Variants in GLYATL1B observed in about 807,000 individuals in gnomAD.
The protein encoded by GLYATL1B is glycine-N-acyltransferase like 1B.
A neutral mutation model predicts 5.5 loss-of-function variants in GLYATL1B; 6 were observed. That is an observed-to-expected ratio of 1.09 (90% CI 0.60 to 2.15). The LOEUF is 2.15. Ranked by LOEUF, GLYATL1B falls within the 30% of genes most tolerant of loss-of-function variation. The pLI, the probability that GLYATL1B is intolerant of heterozygous loss-of-function variation, is 0.00. For missense variants in GLYATL1B, 135 were observed against 94.1 expected (o/e 1.43, Z -1.80); for synonymous variants, 67 against 34.9 (o/e 1.92, Z -3.24).
intron 4 of GLYATL1B, 48 bp downstream of exon 4, chr11:59,094,159 T>C: frequency 1.9e-6 from 1 of 537,254 alleles, no homozygotes; most frequent in Non-Finnish European, 3.4e-6. Context: ...TCCTTGTACA[T>C]TTTTGTAATT....
intron 2 of GLYATL1B, among the ~76,000 whole-genome samples, chr11:59,092,916 G>A (rs1336331457): frequency 1.3e-5 from 2 of 152,206 alleles, no homozygotes; most frequent in African/African-American, 4.8e-5. Flanking sequence ...GGACACTGCA[G>A]ATTCTAGAAC....
At chr11:59,088,420 G>T (rs1269612548) in intron 2 of GLYATL1B, among the ~76,000 whole-genome samples, 1 of 152,124 alleles carries the variant, frequency 6.6e-6, no homozygotes, top group African/African-American at 2.4e-5. Flanking sequence ...CTTCAGGTGG[G>T]TATAGACACT....
intron 2 of GLYATL1B, among the ~76,000 whole-genome samples, chr11:59,090,235 A>G (rs1004142217): frequency 2.0e-4 from 31 of 151,932 alleles, no homozygotes; most frequent in African/African-American, 7.2e-4. Flanking sequence ...CCCTTCACTA[A>G]TCTTTTTCTT....
At chr11:59,093,840 G>C (rs1440837654) in intron 3 of GLYATL1B, 94 bp from the exon 4 acceptor site, 2 of 488,940 alleles carry the variant, frequency 4.1e-6, no homozygotes, top group Non-Finnish European at 7.4e-6. Context: ...ACTCAACTTT[G>C]AGAACTACTA....
At position 59,094,610 on chromosome 11, in the gene GLYATL1B, A is replaced by T; in HGVS notation, c.733A>T (p.Thr245Ser). The T allele has an allele frequency of 6.5e-6, 3 of 461,280 alleles. No homozygotes were observed. The highest frequency in any genetic ancestry group is 7.8e-6 in the Non-Finnish European group (2 of 255,486). 28.6% of individuals were successfully genotyped at this position (461,280 alleles called of 1,614,324 possible). Reference sequence around the variant, plus strand: ...AAAATACCGAAGGAGAGGCAATGGGACACGGCTGATCATGCGATGCATGAA... The same window carrying T: ...AAAATACCGAAGGAGAGGCAATGGGTCACGGCTGATCATGCGATGCATGAA... ...VEKYRRRGNG[T>S]RLIMRCMKYL... is the part of the protein sequence containing the mutation. Residue 245 changes from threonine to serine, a missense_variant, in exon 5 of 5, where the codon ACA becomes TCA. By Grantham distance (58) the Thr-to-Ser change is moderately conservative. Transcript: ENST00000527482.
At chr11:59,089,420 C>T (rs1859262058) in intron 2 of GLYATL1B, among the ~76,000 whole-genome samples, 1 of 152,148 alleles carries the variant, frequency 6.6e-6, no homozygotes, top group African/African-American at 2.4e-5. Flanking sequence ...GTAGGCACTG[C>T]CAGACTACCC....
chr11:59,089,481 G>T (rs561788136), intron 2 of GLYATL1B, among the ~76,000 whole-genome samples: 1 of 152,126 alleles, frequency 6.6e-6, no homozygotes, highest in Non-Finnish European at 1.5e-5. Flanking sequence ...TGGAAGAATT[G>T]TTTCCCACAT....
chr11:59,093,197 T>C (rs950240440), intron 2 of GLYATL1B, among the ~76,000 whole-genome samples: 7 of 152,160 alleles, frequency 4.6e-5, no homozygotes, highest in Non-Finnish European at 7.3e-5. Flanking sequence ...TAAAATAAGG[T>C]AAGTGTGCAG....
At chr11:59,090,035 T>C (rs555620752) in intron 2 of GLYATL1B, among the ~76,000 whole-genome samples, 17 of 152,186 alleles carry the variant, frequency 1.1e-4, no homozygotes, top group South Asian at 8.3e-4. Flanking sequence ...TTTATATTTA[T>C]CCCCCGAATG....
At chr11:59,089,497 T>C (rs775466371) in intron 2 of GLYATL1B, among the ~76,000 whole-genome samples, 4 of 152,192 alleles carry the variant, frequency 2.6e-5, no homozygotes, top group African/African-American at 4.8e-5. Context: ...CACATTCTCA[T>C]CAGCAGTGAA....
Position 59,094,746 on chromosome 11 carries a change from A to AC in GLYATL1B, c.871dup (p.Gln291ProfsTer?), listed in dbSNP as rs1565178915. The AC allele has an allele frequency of 2.1e-6, 1 of 468,024 alleles. No homozygotes were observed. Among genetic ancestry groups the AC allele is most frequent in the Non-Finnish European group, 3.9e-6 (1 of 256,752 alleles). 29.0% of individuals were successfully genotyped at this position (468,024 alleles called of 1,614,324 possible). A position where few individuals can be genotyped will look rare whatever the true frequency, so the allele number is the denominator to read the frequency against. On this transcript the variant is annotated frameshift_variant, in exon 5 of 5. Coordinates refer to ENST00000527482, the MANE Select transcript of GLYATL1B (RefSeq NM_001355566.1). LOFTEE classifies it high-confidence loss of function. ...TTCCTTGAGGCCTCCTGTCAGTGGC[A>AC]CCAATGGAACTGCTACCCACAGAAT...
At chr11:59,090,292 AT>A (rs1393090021) in intron 2 of GLYATL1B, among the ~76,000 whole-genome samples, 1 of 151,928 alleles carries the variant, frequency 6.6e-6, no homozygotes, top group Admixed American at 6.6e-5. Flanking sequence ...ACAAAAACTA[AT>A]TTTTCAGTTC....
chr11:59,091,949 C>A (rs1859321404), intron 2 of GLYATL1B, among the ~76,000 whole-genome samples: 1 of 152,126 alleles, frequency 6.6e-6, no homozygotes, highest in African/African-American at 2.4e-5. Flanking sequence ...TTCTTGTCCA[C>A]TTTTCAAATG....
intron 2 of GLYATL1B, among the ~76,000 whole-genome samples, 182 bp from the exon 3 acceptor site, chr11:59,093,347 C>A (rs11229797): frequency 2.6e-3 from 393 of 152,284 alleles, no homozygotes; most frequent in African/African-American, 9.0e-3. Flanking sequence ...ACTCCAGTTA[C>A]ACAGGTAAGA....
intron 2 of GLYATL1B, among the ~76,000 whole-genome samples, chr11:59,091,148 T>C (rs1859299629): frequency 6.6e-6 from 1 of 152,178 alleles, no homozygotes; most frequent in African/African-American, 2.4e-5. Context: ...CTACTGAATA[T>C]TTTATTCAGA....
intron 2 of GLYATL1B, among the ~76,000 whole-genome samples, chr11:59,091,762 G>T (rs1345192674): frequency 6.6e-6 from 1 of 152,088 alleles, no homozygotes; most frequent in Non-Finnish European, 1.5e-5. Context: ...ACATGCACTA[G>T]GATGTTCATT....
chr11:59,089,357 T>C (rs1449272651), intron 2 of GLYATL1B, among the ~76,000 whole-genome samples: 1 of 152,194 alleles, frequency 6.6e-6, no homozygotes, highest in Non-Finnish European at 1.5e-5. Context: ...CTTTTCTCAA[T>C]GCAATTGGTT....
At position 59,093,637 on chromosome 11, in the gene GLYATL1B, C is replaced by G. The variant is rs914633734; in HGVS notation, c.295C>G (p.Gln99Glu). ...LKNSEIINWK[Q>E]KLQIQGFQES... The stretch of plus-strand genomic sequence containing the variant: ...AAATTCTGAGATCATAAACTGGAAA[C>G]AGAAACTCCAAATCCAAGGTAACAA... Residue 99 changes from glutamine to glutamate, a missense_variant, in exon 3 of 5, where the codon CAG (glutamine) becomes GAG (glutamate). Coordinates refer to ENST00000527482, the MANE Select transcript of GLYATL1B (RefSeq NM_001355566.1). The G allele has an allele frequency of 2.0e-6, 1 of 505,964 alleles. No individual in the cohort carries two copies. Among genetic ancestry groups the G allele is most frequent in the African/African-American group, 2.0e-5 (1 of 50,016 alleles). The allele number at this position is 505,964 out of a possible 1,614,324, so 31.3% of individuals were successfully genotyped here. A position where few individuals can be genotyped will look rare whatever the true frequency, so the allele number is the denominator to read the frequency against.
intron 2 of GLYATL1B, among the ~76,000 whole-genome samples, chr11:59,090,528 A>G (rs1275213004): frequency 6.6e-6 from 1 of 151,766 alleles, no homozygotes. Flanking sequence ...TAGGTATTTT[A>G]TATTATTTTT....
Sources: gnomAD v4.1 joint callset for allele counts (sites outside exome capture counted in the v4.1 genomes callset) on GRCh38, gnomAD v4.1.1 for gene constraint, MANE v1.5 for transcripts, NCBI Gene and HGNC (gene_info 2026-07-23, HGNC 2026-07-21) for gene names.